BNC2: variants seen among roughly 807,000 people sequenced by gnomAD.
BNC2 encodes zinc finger protein basonuclin-2.
Under a neutral mutation model 76.3 loss-of-function variants are expected in BNC2, and 20 were observed. The ratio of observed to expected loss-of-function variants is 0.26; its 90% confidence interval spans 0.18 to 0.38. BNC2 has a LOEUF of 0.38. BNC2 is among the 10% of genes least tolerant of loss of function. The probability of loss-of-function intolerance (pLI) is 1.00; values close to 1 mark genes in which losing one functional copy is unlikely to be tolerated. For missense variants in BNC2, 1,382 were observed against 1,399.8 expected, an observed-to-expected ratio of 0.99 and a Z score of 0.20; for synonymous variants, 582 against 514.8, an observed-to-expected ratio of 1.13 and a Z score of -1.77.
chr9:16,709,737 A>G (rs1410821520), intron 3 of BNC2, among the ~76,000 whole-genome samples: 2 of 152,232 alleles, frequency 1.3e-5, no homozygotes, highest in Non-Finnish European at 1.5e-5. Context: ...AGACTACGTT[A>G]GTAAGTTTTG....
At chr9:16,767,353 G>T (rs995433569) in intron 1 of BNC2, among the ~76,000 whole-genome samples, 4 of 152,220 alleles carry the variant, frequency 2.6e-5, no homozygotes, top group African/African-American at 9.6e-5. Context: ...CTGGGGGTCA[G>T]TGCTCAGAGA....
chr9:16,827,892 T>C (rs889366454), intron 1 of BNC2, among the ~76,000 whole-genome samples: 3 of 152,228 alleles, frequency 2.0e-5, no homozygotes, highest in East Asian at 1.9e-4. Flanking sequence ...CCATATGATA[T>C]GCCCATTCAT....
intron 3 of BNC2, among the ~76,000 whole-genome samples, chr9:16,631,292 T>C (rs1027173837): frequency 5.3e-5 from 8 of 152,130 alleles, no homozygotes; most frequent in African/African-American, 1.9e-4. Flanking sequence ...ATAATACCTT[T>C]AAATAGCACT....
rs544288854 is a variant in BNC2 at position 16,666,904 on chromosome 9, C to G, written c.330+60893G>C. Among the ~76,000 whole-genome samples, 12 of 151,832 alleles carry G rather than the reference C, an allele frequency of 7.9e-5. No individual in the cohort carries two copies. In the South Asian group the frequency reaches 2.3e-3, roughly 29 times the overall value. ...TGCCTGACATATTTTGATTTTTTTT[C>G]TGCTTCAGTCTACAGTTAAAAAATT... On this transcript the variant is annotated intron_variant, in intron 3 of 6. Transcript: ENST00000380672.
intron 5 of BNC2, among the ~76,000 whole-genome samples, chr9:16,473,888 A>C (rs1234460135): frequency 2.6e-5 from 4 of 152,188 alleles, no homozygotes; most frequent in African/African-American, 4.8e-5. Context: ...TAAATAAATA[A>C]GAAATAAAAA....
At chr9:16,698,692 C>A (rs1823414150) in intron 3 of BNC2, among the ~76,000 whole-genome samples, 1 of 150,986 alleles carries the variant, frequency 6.6e-6, no homozygotes, top group African/African-American at 2.4e-5. Context: ...AAAACTCCAT[C>A]TCAAAAAAAA....
intron 3 of BNC2, among the ~76,000 whole-genome samples, chr9:16,653,512 C>G (rs1563881567): frequency 1.3e-5 from 2 of 152,084 alleles, no homozygotes; most frequent in South Asian, 4.2e-4. Flanking sequence ...AAAGCACACA[C>G]GCTCCCTCCA....
At chr9:16,481,315 C>T (rs535794888) in intron 5 of BNC2, among the ~76,000 whole-genome samples, 19 of 152,082 alleles carry the variant, frequency 1.2e-4, no homozygotes, top group Non-Finnish European at 1.9e-4. Context: ...AGTGGCAACC[C>T]GCTCGGGTCC....
At chr9:16,726,885 C>A (rs948962164) in intron 3 of BNC2, 1 of 152,300 alleles carries the variant, frequency 6.6e-6, no homozygotes, top group Non-Finnish European at 1.5e-5. Context: ...CCTCGCTCCC[C>A]CGCGGAGCCA....
chr9:16,443,819 A>G (rs1821177788), intron 5 of BNC2, among the ~76,000 whole-genome samples: 1 of 152,222 alleles, frequency 6.6e-6, no homozygotes. Flanking sequence ...AAAGTGGATT[A>G]GTAGTTGCCA....
intron 1 of BNC2, among the ~76,000 whole-genome samples, chr9:16,816,203 A>G (rs1016192072): frequency 6.6e-6 from 1 of 152,176 alleles, no homozygotes; most frequent in African/African-American, 2.4e-5. Flanking sequence ...CTGGCCAAGT[A>G]AAGCAGAACA....
chr9:16,484,589 T>A (rs1237447194), intron 5 of BNC2, among the ~76,000 whole-genome samples: 1 of 152,192 alleles, frequency 6.6e-6, no homozygotes, highest in Non-Finnish European at 1.5e-5. Flanking sequence ...AAAATAATCA[T>A]GCGTTAAAAA....
intron 1 of BNC2, among the ~76,000 whole-genome samples, chr9:16,851,456 T>C (rs552784622): frequency 3.5e-4 from 54 of 152,190 alleles, no homozygotes; most frequent in African/African-American, 1.2e-3. Flanking sequence ...CAGTGAGCCA[T>C]GATCATGCCA....
chr9:16,521,522 A>G (rs1012440106), intron 5 of BNC2, among the ~76,000 whole-genome samples: 39 of 152,188 alleles, frequency 2.6e-4, no homozygotes, highest in Admixed American at 2.6e-3. Flanking sequence ...AAGAAAATAT[A>G]ATTTGCGCAC....
intron 5 of BNC2, among the ~76,000 whole-genome samples, chr9:16,449,710 G>A (rs1307985631): frequency 1.3e-5 from 2 of 152,168 alleles, no homozygotes. Context: ...ATCACAATTA[G>A]TAAAAACATA....
rs569384974 is a variant in BNC2, at chr9:16,700,325, G to A, written c.330+27472C>T. 1.4e-3 allele frequency among the ~76,000 whole-genome samples: 216 copies of A among 152,238 alleles called. 1 individual carries two copies. Among genetic ancestry groups the A allele is most frequent in the African/African-American group, 5.1e-3 (213 of 41,544 alleles). On this transcript the variant is annotated intron_variant, in intron 3 of 6. Transcript: ENST00000380672. ...GCGCTTTGGGAAGCCGAGGGAGGAG[G>A]ACTGCTTGAGGTCTTGATAGCAAGA...
chr9:16,476,427 C>G (rs1161929742), intron 5 of BNC2, among the ~76,000 whole-genome samples: 1 of 152,128 alleles, frequency 6.6e-6, no homozygotes, highest in Non-Finnish European at 1.5e-5. Context: ...CCAAGTATCT[C>G]ACCCCTCATC....
intron 5 of BNC2, among the ~76,000 whole-genome samples, chr9:16,518,568 A>C (rs1255600055): frequency 5.1e-5 from 7 of 137,312 alleles, no homozygotes; most frequent in Non-Finnish European, 7.6e-5. Flanking sequence ...CAAAAGTCAT[A>C]TATATATATA....
rs1264060253 is a variant in BNC2 at position 16,435,702 on chromosome 9, T to A, written c.2492A>T (p.Asp831Val). The A allele has an allele frequency of 6.2e-7, 1 of 1,613,962 alleles. No homozygotes were observed. Among genetic ancestry groups the A allele is most frequent in the Non-Finnish European group, 8.5e-7 (1 of 1,180,030 alleles). Reference protein sequence around the residue: ...SPEGDLCSSPDPKICYVCKKS... With the variant: ...SPEGDLCSSPVPKICYVCKKS... ...CTTGCACACATAACAGATTTTGGGGTCTGGGCTAGAACATAGGTCACCTTC... is the reference window on the plus strand; with the variant it reads ...CTTGCACACATAACAGATTTTGGGGACTGGGCTAGAACATAGGTCACCTTC... The change falls in exon 6 of 7, where the codon GAC (aspartate) becomes GTC (valine). Residue 831 changes from aspartate to valine, a missense_variant. Coordinates refer to ENST00000380672, the MANE Select transcript of BNC2 (RefSeq NM_017637.6).
Sources: gnomAD v4.1 joint callset for allele counts (sites outside exome capture counted in the v4.1 genomes callset) on GRCh38, gnomAD v4.1.1 for gene constraint, MANE v1.5 for transcripts, NCBI Gene and HGNC (gene_info 2026-07-23, HGNC 2026-07-21) for gene names.